The following ARHGAP25 variants were observed in gnomAD, a reference collection of about 807,000 sequenced individuals.
The protein encoded by ARHGAP25 is Rho GTPase activating protein 25.
A neutral mutation model predicts 71.0 loss-of-function variants in ARHGAP25; 34 were observed. That is an observed-to-expected ratio of 0.48 (90% CI 0.36 to 0.64). The LOEUF is 0.64. Ranked by LOEUF, ARHGAP25 falls within the 30% of genes least tolerant of loss-of-function variation. The pLI, the probability that ARHGAP25 is intolerant of heterozygous loss-of-function variation, is 0.00. For missense variants in ARHGAP25, 706 were observed against 805.1 expected, an observed-to-expected ratio of 0.88 and a Z score of 1.49; for synonymous variants, 282 against 296.5, an observed-to-expected ratio of 0.95 and a Z score of 0.50.
chr2:68,806,060 A>T (rs1259602436), intron 4 of ARHGAP25, among the ~76,000 whole-genome samples: 2 of 152,200 alleles, frequency 1.3e-5, no homozygotes, highest in African/African-American at 4.8e-5. Flanking sequence ...GCTGGGGTGG[A>T]GCTGGCCCAC....
At chr2:68,812,812 G>A (rs1348079125) in intron 5 of ARHGAP25, among the ~76,000 whole-genome samples, 3 of 152,096 alleles carry the variant, frequency 2.0e-5, no homozygotes, top group Admixed American at 6.6e-5. Flanking sequence ...AGGTTTTCTT[G>A]ATGCTTATTG....
intron 4 of ARHGAP25, among the ~76,000 whole-genome samples, chr2:68,802,289 T>C (rs539348919): frequency 6.6e-6 from 1 of 150,976 alleles, no homozygotes; most frequent in African/African-American, 2.4e-5. Context: ...GTGCCTGTAG[T>C]CCCAGCTACT....
At chr2:68,819,580 C>A in intron 9 of ARHGAP25, 1 of 645,476 alleles carries the variant, frequency 1.5e-6, no homozygotes, top group Non-Finnish European at 2.8e-6. Context: ...TCACTGAAGC[C>A]CACTCTGAAA....
chr2:68,825,222 CT>C (rs1159299687), intron 10 of ARHGAP25, among the ~76,000 whole-genome samples: 1 of 152,120 alleles, frequency 6.6e-6, no homozygotes, highest in African/African-American at 2.4e-5. Context: ...CCAGGAGATC[CT>C]TAATAAGAAA....
intron 3 of ARHGAP25, among the ~76,000 whole-genome samples, chr2:68,786,543 G>T (rs1369203372): frequency 6.6e-6 from 1 of 152,132 alleles, no homozygotes; most frequent in East Asian, 1.9e-4. Flanking sequence ...GGGTCTTTTT[G>T]TTCTGCCCTG....
At chr2:68,711,567 C>T (rs998288192) in intron 2 of ARHGAP25, among the ~76,000 whole-genome samples, 2 of 151,932 alleles carry the variant, frequency 1.3e-5, no homozygotes, top group Admixed American at 6.6e-5. Context: ...ATATGCAGAA[C>T]GTGTAGGTTT....
chr2:68,804,105 C>T (rs1265193325), intron 4 of ARHGAP25, among the ~76,000 whole-genome samples: 3 of 152,004 alleles, frequency 2.0e-5, no homozygotes, highest in Non-Finnish European at 4.4e-5. Flanking sequence ...AGGATGAAGG[C>T]AGGACAAGGC....
At chr2:68,717,836 AT>A (rs1558596730) in intron 2 of ARHGAP25, among the ~76,000 whole-genome samples, 1 of 152,146 alleles carries the variant, frequency 6.6e-6, no homozygotes, top group African/African-American at 2.4e-5. Context: ...GAATTGACAT[AT>A]TTTTGCCAAT....
chr2:68,795,599 T>G (rs985244173), intron 4 of ARHGAP25, among the ~76,000 whole-genome samples: 2 of 152,214 alleles, frequency 1.3e-5, no homozygotes, highest in African/African-American at 2.4e-5. Flanking sequence ...TATTGATTTC[T>G]AGTTTTATTC....
chr2:68,724,147 T>C (rs1156600101), intron 2 of ARHGAP25, among the ~76,000 whole-genome samples: 1 of 152,066 alleles, frequency 6.6e-6, no homozygotes, highest in African/African-American at 2.4e-5. Flanking sequence ...AGAAGGACCG[T>C]CAGATGAGTG....
chr2:68,772,013 T>C (rs960664084), intron 1 of ARHGAP25, among the ~76,000 whole-genome samples: 4 of 152,228 alleles, frequency 2.6e-5, no homozygotes, highest in African/African-American at 9.6e-5. Flanking sequence ...TGCCAGGTCA[T>C]TCTGCAACGC....
At chr2:68,775,060 G>T (rs1021663009) in intron 1 of ARHGAP25, 161 bp from the exon 2 acceptor site, 5 of 1,512,934 alleles carry the variant, frequency 3.3e-6, no homozygotes, top group Admixed American at 2.1e-5. Flanking sequence ...TCTCTGGCTC[G>T]GGGGGGACTT....
chr2:68,714,653 A>T (rs1674569542), intron 2 of ARHGAP25, among the ~76,000 whole-genome samples: 1 of 152,140 alleles, frequency 6.6e-6, no homozygotes, highest in African/African-American at 2.4e-5. Context: ...ACACTACTTT[A>T]TCCGTGTCCC....
At chr2:68,757,132 G>T (rs902783255) in intron 1 of ARHGAP25, among the ~76,000 whole-genome samples, 3 of 151,826 alleles carry the variant, frequency 2.0e-5, no homozygotes, top group Admixed American at 6.6e-5. Flanking sequence ...GAAATACAAA[G>T]AAAAAAATAT....
chr2:68,773,359 A>G (rs1200093509), intron 1 of ARHGAP25, among the ~76,000 whole-genome samples: 1 of 152,224 alleles, frequency 6.6e-6, no homozygotes, highest in Non-Finnish European at 1.5e-5. Flanking sequence ...TTGCAGCAAC[A>G]TGGATGGAGC....
At chr2:68,755,860 G>C (rs1233844284) in intron 1 of ARHGAP25, among the ~76,000 whole-genome samples, 1 of 152,168 alleles carries the variant, frequency 6.6e-6, no homozygotes, top group East Asian at 1.9e-4. Context: ...TTTACGTTAA[G>C]ATATTTACTA....
At chr2:68,720,316 CAAAAA>C (rs11314943) in intron 2 of ARHGAP25, among the ~76,000 whole-genome samples, 147 of 75,694 alleles carry the variant, frequency 1.9e-3, no homozygotes, top group African/African-American at 8.1e-3. Context: ...ACATTTCAGT[CAAAAA>C]AAAAAAAAAA....
At position 68,714,318 on chromosome 2, in the gene ARHGAP25, A is replaced by G. The variant is rs889206635; in HGVS notation, c.-18+3620A>G. Among the ~76,000 whole-genome samples, 4 of 152,108 alleles carry G rather than the reference A, an allele frequency of 2.6e-5. No individual in the cohort carries two copies. In the South Asian group the frequency reaches 8.3e-4, roughly 32 times the overall value. On this transcript the variant is annotated intron_variant and NMD_transcript_variant, in intron 2 of 7. Coordinates refer to the ARHGAP25 transcript ENST00000463483. ...TGATGGTAGTTTGTATTTCTGTGGG[A>G]TCAGTGGTGATATCCCCTTTTTCAT...
intron 1 of ARHGAP25, among the ~76,000 whole-genome samples, chr2:68,736,974 C>A (rs561995293): frequency 6.6e-6 from 1 of 151,730 alleles, no homozygotes; most frequent in African/African-American, 2.4e-5. Context: ...TAACTGGGCA[C>A]ACAATAAATA....
Sources: allele counts gnomAD v4.1 joint callset (sites outside exome capture counted in the v4.1 genomes callset), GRCh38; gene constraint gnomAD v4.1.1; transcripts MANE v1.5; gene names NCBI Gene and HGNC (gene_info 2026-07-23, HGNC 2026-07-21).